The following CADM2 variants were observed in gnomAD, a reference collection of about 807,000 sequenced individuals.
CADM2 encodes cell adhesion molecule 2.
CADM2 carries 12 observed loss-of-function variants against 49.8 expected under a neutral mutation model. That is an observed-to-expected ratio of 0.24 (90% CI 0.15 to 0.39). CADM2 has a LOEUF of 0.39. Among genes scored for constraint, CADM2 ranks in the 10% least tolerant of loss-of-function variants. The pLI, the probability that CADM2 is intolerant of heterozygous loss-of-function variation, is 1.00. For missense variants in CADM2, 378 were observed against 492.3 expected (o/e 0.77, Z 2.20); for synonymous variants, 214 against 175.4 (o/e 1.22, Z -1.74).
rs767090893 is a variant in CADM2 at position 85,961,621 on chromosome 3, G to A, written c.944G>A (p.Ser315Asn). The A allele has an allele frequency of 1.9e-6, 3 of 1,587,038 alleles. No homozygotes were observed. In the South Asian group the frequency reaches 3.4e-5, roughly 18 times the overall value. The change falls in exon 8 of 10, where the codon AGT (serine) becomes AAT (asparagine). Residue 315 changes from serine to asparagine, a missense_variant. Transcript: ENST00000383699. ...GCCACAAACACCATTGGCCAAAGCA[G>A]TGCGGAATATGTTCTCATTGTGCAT... ...CEATNTIGQS[S>N]AEYVLIVHDP...
At chr3:85,946,606 C>A (rs910268838) in intron 7 of CADM2, among the ~76,000 whole-genome samples, 1 of 151,968 alleles carries the variant, frequency 6.6e-6, no homozygotes, top group South Asian at 2.1e-4. Flanking sequence ...AGATATAGAC[C>A]AATGGAACAG....
chr3:85,165,396 C>T (rs75256344), intron 1 of CADM2, among the ~76,000 whole-genome samples: 5 of 151,736 alleles, frequency 3.3e-5, no homozygotes, highest in African/African-American at 9.7e-5. Context: ...AACTTAAGAA[C>T]GCACTTAAAA....
intron 2 of CADM2, among the ~76,000 whole-genome samples, chr3:85,774,487 TAAA>T (rs1389703197): frequency 1.3e-5 from 2 of 151,800 alleles, no homozygotes; most frequent in African/African-American, 4.8e-5. Context: ...TTTTCATCTG[TAAA>T]AATTATGATG....
At chr3:85,385,192 C>T (rs1452476354) in intron 1 of CADM2, among the ~76,000 whole-genome samples, 1 of 152,178 alleles carries the variant, frequency 6.6e-6, no homozygotes, top group Admixed American at 6.5e-5. Context: ...GCCTCAGCCT[C>T]CCAAAGTTCT....
chr3:85,489,817 G>A (rs937844007), intron 1 of CADM2, among the ~76,000 whole-genome samples: 4 of 151,436 alleles, frequency 2.6e-5, no homozygotes, highest in African/African-American at 7.3e-5. Flanking sequence ...GAGAGAGAGA[G>A]AGAGAGAGAG....
intron 1 of CADM2, among the ~76,000 whole-genome samples, chr3:84,996,642 A>ATTTTTAATAAAAT (rs1182193535): frequency 2.0e-5 from 3 of 152,160 alleles, no homozygotes; most frequent in African/African-American, 7.2e-5. Context: ...ATGTCTTTAT[A>ATTTTTAATAAAAT]AGCTTTGTAT....
At chr3:85,057,918 A>G (rs2107431868) in intron 1 of CADM2, among the ~76,000 whole-genome samples, 1 of 152,220 alleles carries the variant, frequency 6.6e-6, no homozygotes, top group Middle Eastern at 3.4e-3. Flanking sequence ...TTCCCCAGAA[A>G]CTTTTGCTTT....
At chr3:85,212,897 T>TCTCTCTCTCTC (rs2041834022) in intron 1 of CADM2, among the ~76,000 whole-genome samples, 14 of 145,086 alleles carry the variant, frequency 9.6e-5, no homozygotes, top group South Asian at 4.4e-4. Context: ...TCTTTCTTTC[T>TCTCTCTCTCTC]TTTAATGGAG....
chr3:85,303,107 G>A (rs764690784), intron 1 of CADM2, among the ~76,000 whole-genome samples: 6 of 151,908 alleles, frequency 3.9e-5, no homozygotes, highest in Non-Finnish European at 8.8e-5. Flanking sequence ...GTGTGTGTTT[G>A]TGTGGGTGTA....
intron 8 of CADM2, among the ~76,000 whole-genome samples, chr3:86,047,478 T>C (rs1039784525): frequency 2.6e-5 from 4 of 152,096 alleles, no homozygotes; most frequent in African/African-American, 9.7e-5. Context: ...AGGAAATGAG[T>C]TTGTCAGTTG....
At chr3:85,461,215 C>T (rs1428494064) in intron 1 of CADM2, among the ~76,000 whole-genome samples, 1 of 152,030 alleles carries the variant, frequency 6.6e-6, no homozygotes, top group Non-Finnish European at 1.5e-5. Context: ...AAATTTAACA[C>T]ATAAAAAGGC....
At chr3:85,008,785 A>G (rs2033858563) in intron 1 of CADM2, among the ~76,000 whole-genome samples, 1 of 152,106 alleles carries the variant, frequency 6.6e-6, no homozygotes, top group African/African-American at 2.4e-5. Flanking sequence ...ATGGCATGTC[A>G]TGTTTTAGTT....
intron 1 of CADM2, among the ~76,000 whole-genome samples, chr3:85,138,011 A>G (rs2039467023): frequency 6.6e-6 from 1 of 152,134 alleles, no homozygotes; most frequent in African/African-American, 2.4e-5. Context: ...AAATAGATGT[A>G]ATGCTTTCTA....
chr3:85,310,480 T>A (rs1342069709), intron 1 of CADM2, among the ~76,000 whole-genome samples: 2 of 152,168 alleles, frequency 1.3e-5, no homozygotes, highest in Non-Finnish European at 2.9e-5. Flanking sequence ...ATACTCAAGA[T>A]CTTTTCCCTG....
chr3:85,399,664 TGTA>T (rs1288738422), intron 1 of CADM2, among the ~76,000 whole-genome samples: 1 of 152,218 alleles, frequency 6.6e-6, no homozygotes, highest in East Asian at 1.9e-4. Flanking sequence ...AGCAGTGGTT[TGTA>T]GTTCTCCTTG....
Position 85,444,200 on chromosome 3 carries a change from C to T in CADM2, c.62-282322C>T, listed in dbSNP as rs1039274295. On this transcript the variant is annotated intron_variant, in intron 1 of 9. Coordinates refer to ENST00000383699, the MANE Select transcript of CADM2 (RefSeq NM_001167675.2). ...CAACATGTCTTTTCCGAAAAAGCTG[C>T]GTTTTTGGCTTCTATTCTTGAGCTT... Among the ~76,000 whole-genome samples the T allele has an allele frequency of 3.3e-5, 5 of 152,112 alleles. No homozygotes were observed. In the South Asian group the frequency reaches 6.2e-4, roughly 19 times the overall value.
chr3:85,447,925 A>G (rs922370626), intron 1 of CADM2, among the ~76,000 whole-genome samples: 3 of 152,310 alleles, frequency 2.0e-5, no homozygotes, highest in East Asian at 1.9e-4. Context: ...CAAAGCAAAA[A>G]TTGTATCAGA....
At chr3:85,489,857 C>A (rs913278328) in intron 1 of CADM2, among the ~76,000 whole-genome samples, 2 of 150,898 alleles carry the variant, frequency 1.3e-5, no homozygotes, top group Admixed American at 6.6e-5. Flanking sequence ...ATTATATACT[C>A]GAAATTCAGG....
At chr3:85,894,403 G>A (rs560790886) in intron 5 of CADM2, among the ~76,000 whole-genome samples, 8 of 152,142 alleles carry the variant, frequency 5.3e-5, no homozygotes, top group East Asian at 1.9e-4. Flanking sequence ...GTTAAATGAC[G>A]AGTTAATGGG....
Sources: allele counts gnomAD v4.1 joint callset (sites outside exome capture counted in the v4.1 genomes callset), GRCh38; gene constraint gnomAD v4.1.1; transcripts MANE v1.5; gene names NCBI Gene and HGNC (gene_info 2026-07-23, HGNC 2026-07-21).